Variants in LRRC72 observed in about 807,000 individuals in gnomAD.
LRRC72 encodes the protein leucine rich repeat containing 72, also known as leucine-rich repeat-containing protein 72.
LRRC72 carries 41 observed loss-of-function variants against 35.8 expected under a neutral mutation model. The ratio of observed to expected loss-of-function variants is 1.15; its 90% CI spans 0.89 to 1.49. The LOEUF is 1.49. Among genes scored for constraint, LRRC72 ranks in the 40% most tolerant of loss-of-function variants. The pLI, the probability that LRRC72 is intolerant of heterozygous loss-of-function variation, is 0.00. For missense variants in LRRC72, 389 were observed against 330.7 expected, an observed-to-expected ratio of 1.18 and a Z score of -1.37; for synonymous variants, 118 against 119.2, an observed-to-expected ratio of 0.99 and a Z score of 0.07.
intron 7 of LRRC72, among the ~76,000 whole-genome samples, chr7:16,579,655 T>C (rs944933790): frequency 1.3e-5 from 2 of 152,182 alleles, no homozygotes; most frequent in African/African-American, 2.4e-5. Flanking sequence ...GGTTGAAATG[T>C]TCCTAAATAT....
At position 16,567,437 on chromosome 7, in the gene LRRC72, T is replaced by TA; in HGVS notation, c.569dup (p.Ala191GlyfsTer20). On this transcript the variant is annotated frameshift_variant, in exon 7 of 9. Transcript: ENST00000401542. LOFTEE classifies it high-confidence loss of function. ...GATCAATGATTACCATTTTTAACCATAAAAAGGCTCATATCGTTCAATCAA... is the reference window on the plus strand; with the variant it reads ...GATCAATGATTACCATTTTTAACCATAAAAAAGGCTCATATCGTTCAATCAA... The TA allele has an allele frequency of 6.6e-7, 1 of 1,516,832 alleles. No homozygotes were observed. Among genetic ancestry groups the TA allele is most frequent in the Non-Finnish European group, 8.8e-7 (1 of 1,132,842 alleles). 94.0% of individuals were successfully genotyped at this position (1,516,832 alleles called of 1,614,324 possible). A position where few individuals can be genotyped will look rare whatever the true frequency, so the allele number is the denominator to read the frequency against.
At chr7:16,549,899 G>C (rs1039054094) in intron 3 of LRRC72, among the ~76,000 whole-genome samples, 1 of 152,154 alleles carries the variant, frequency 6.6e-6, no homozygotes, top group Non-Finnish European at 1.5e-5. Context: ...ATTCCTGTTA[G>C]AGTACCAGAA....
rs1367365744 is a variant in LRRC72 at position 16,581,402 on chromosome 7, C to T, written c.777C>T (p.Asn259=). 1 of 1,550,032 alleles carries T rather than the reference C, an allele frequency of 6.5e-7. No homozygotes were observed. Among genetic ancestry groups the T allele is most frequent in the Non-Finnish European group, 8.7e-7 (1 of 1,146,690 alleles). ...CAGTGATGACTTTGACCTCTATGAA[C>T]TGGGACACAGTTCCAACACGAGAGG... The part of the protein sequence containing the change: ...KRSVMTLTSM[N]WDTVPTREER... Residue 259 remains asparagine, a synonymous_variant, in exon 9 of 9, where the codon AAC becomes AAT. Transcript: ENST00000401542.
rs180762527 is a variant in LRRC72 at position 16,555,336 on chromosome 7, C to G, written c.235-2024C>G. 1.5e-3 allele frequency among the ~76,000 whole-genome samples: 232 copies of G among 152,228 alleles called. 1 individual carries two copies. The highest frequency in any genetic ancestry group is 2.5e-3 in the Non-Finnish European group (169 of 68,016). Reference sequence around the variant, plus strand: ...ATCAAAGAAGTTAATTTTCAAACTTCGAATACAAATCTAAAAAGGCTTTTC... The same window carrying G: ...ATCAAAGAAGTTAATTTTCAAACTTGGAATACAAATCTAAAAAGGCTTTTC... On this transcript the variant is annotated intron_variant, in intron 3 of 8. Coordinates refer to ENST00000401542, the MANE Select transcript of LRRC72 (RefSeq NM_001195280.2).
chr7:16,526,855 C>T lies in LRRC72; in HGVS notation c.-98C>T. ...ACGGGAATGCGGTAACTGTTGGTAA[C>T]AGAACAACGAGCTGTGCACCAAGCC... On this transcript the variant is annotated 5_prime_UTR_variant, in exon 1 of 9. Coordinates refer to ENST00000401542, the MANE Select transcript of LRRC72 (RefSeq NM_001195280.2). 2 of 943,708 alleles carry T rather than the reference C, an allele frequency of 2.1e-6. No homozygotes were observed. Among genetic ancestry groups the T allele is most frequent in the East Asian group, 2.6e-5 (1 of 37,770 alleles). 58.5% of individuals were successfully genotyped at this position (943,708 alleles called of 1,614,324 possible). A position where few individuals can be genotyped will look rare whatever the true frequency, so the allele number is the denominator to read the frequency against.
intron 3 of LRRC72, among the ~76,000 whole-genome samples, chr7:16,556,308 A>C (rs1782649492): frequency 6.6e-6 from 1 of 152,234 alleles, no homozygotes; most frequent in African/African-American, 2.4e-5. Context: ...AAGGTGCTGA[A>C]GAAACATGGT....
chr7:16,527,137 T>C (rs1782084325), intron 1 of LRRC72, 95 bp downstream of exon 1: 3 of 948,154 alleles, frequency 3.2e-6, no homozygotes, highest in Non-Finnish European at 4.8e-6. Flanking sequence ...GGTACTGAAT[T>C]TGGAGGGGAA....
At position 16,546,946 on chromosome 7, in the gene LRRC72, C is replaced by T. The variant is rs141421501; in HGVS notation, c.234+9250C>T. Among the ~76,000 whole-genome samples, 84 of 152,314 alleles carry T rather than the reference C, an allele frequency of 5.5e-4. No individual in the cohort carries two copies. In the Middle Eastern group the frequency reaches 0.01, roughly 19 times the overall value. On this transcript the variant is annotated intron_variant, in intron 3 of 8. Coordinates refer to ENST00000401542, the MANE Select transcript of LRRC72 (RefSeq NM_001195280.2). ...GGAGCAGTTGCTGCCATTATACCAGCTGCAGCAGGGAGGTATGGACAGTGG... is the reference window on the plus strand; with the variant it reads ...GGAGCAGTTGCTGCCATTATACCAGTTGCAGCAGGGAGGTATGGACAGTGG...
In LRRC72 at chr7:16,566,382, T is replaced by A. The variant is rs1487473412; in HGVS notation, c.497T>A (p.Val166Glu). ...TATATCATCTACCACCTTCCAGGAG[T>A]GGAGCTGCTTGACCGAAATCGTAAG... ...RLYIIYHLPG[V>E]ELLDRNQVTE... Residue 166 changes from valine (V) to glutamate (E), a missense_variant, in exon 6 of 9, where the codon GTG becomes GAG. Coordinates refer to ENST00000401542, the MANE Select transcript of LRRC72 (RefSeq NM_001195280.2). 6.5e-7 allele frequency: 1 copy of A among 1,545,540 alleles called. No homozygotes were observed.
chr7:16,566,264 A>C (rs1782836712), intron 5 of LRRC72, 49 bp from the exon 6 acceptor site: 1 of 1,234,304 alleles, frequency 8.1e-7, no homozygotes, highest in African/African-American at 1.5e-5. Context: ...GTGATAAGTG[A>C]AACTGATTTT....
At chr7:16,575,754 T>G (rs956899035) in intron 7 of LRRC72, among the ~76,000 whole-genome samples, 13 of 152,208 alleles carry the variant, frequency 8.5e-5, no homozygotes, top group African/African-American at 3.1e-4. Flanking sequence ...GGAATGTTAT[T>G]GGAGTAGACC....
intron 7 of LRRC72, among the ~76,000 whole-genome samples, chr7:16,576,294 G>GT (rs1293335930): frequency 5.3e-5 from 8 of 151,942 alleles, no homozygotes; most frequent in African/African-American, 9.7e-5. Flanking sequence ...TTCTATATTT[G>GT]TTTTTTTATA....
At chr7:16,568,912 C>G (rs1782895262) in intron 7 of LRRC72, among the ~76,000 whole-genome samples, 1 of 151,842 alleles carries the variant, frequency 6.6e-6, no homozygotes, top group South Asian at 2.1e-4. Flanking sequence ...AATTTTATAA[C>G]CAACTCAATT....
intron 3 of LRRC72, among the ~76,000 whole-genome samples, chr7:16,545,601 A>G (rs1048282922): frequency 2.6e-5 from 4 of 152,188 alleles, no homozygotes; most frequent in African/African-American, 9.7e-5. Context: ...AAGAGCTATT[A>G]AAAAAACAAA....
intron 5 of LRRC72, among the ~76,000 whole-genome samples, chr7:16,565,125 A>C (rs1458883192): frequency 6.6e-6 from 1 of 152,152 alleles, no homozygotes; most frequent in Non-Finnish European, 1.5e-5. Context: ...TAGAAATTGC[A>C]TGTAGGTAGG....
At chr7:16,538,041 A>G (rs1782293220) in intron 3 of LRRC72, among the ~76,000 whole-genome samples, 1 of 152,186 alleles carries the variant, frequency 6.6e-6, no homozygotes, top group Non-Finnish European at 1.5e-5. Context: ...CATCTCTCTT[A>G]GGTAATACAA....
At chr7:16,541,672 G>C (rs896524100) in intron 3 of LRRC72, among the ~76,000 whole-genome samples, 1 of 152,208 alleles carries the variant, frequency 6.6e-6, no homozygotes, top group Admixed American at 6.5e-5. Flanking sequence ...CCAGCCCTTT[G>C]GGAGGCCGAG....
At chr7:16,563,484 G>A (rs1782776841) in intron 5 of LRRC72, among the ~76,000 whole-genome samples, 1 of 152,118 alleles carries the variant, frequency 6.6e-6, no homozygotes, top group South Asian at 2.1e-4. Flanking sequence ...AGGGAAGGTG[G>A]ATTAAATAGT....
chr7:16,556,976 G>A (rs1055050768), intron 3 of LRRC72, among the ~76,000 whole-genome samples: 3 of 152,114 alleles, frequency 2.0e-5, no homozygotes, highest in African/African-American at 7.2e-5. Flanking sequence ...GAGAGCCCTT[G>A]GCACATGATA....
Sources: gnomAD v4.1 joint callset for allele counts (sites outside exome capture counted in the v4.1 genomes callset) on GRCh38, gnomAD v4.1.1 for gene constraint, MANE v1.5 for transcripts, NCBI Gene and HGNC (gene_info 2026-07-23, HGNC 2026-07-21) for gene names.